Variants in CHN2 observed in about 807,000 individuals in gnomAD.
CHN2 encodes the protein beta-chimaerin.
In CHN2, 35 loss-of-function variants were observed where a neutral mutation model predicts 56.3. The observed-to-expected ratio is 0.62, with a 90% CI of 0.47 to 0.82. CHN2 has a LOEUF of 0.82. Among genes scored for constraint, CHN2 ranks in the 40% least tolerant of loss-of-function variants. CHN2 has a pLI of 0.00. For missense variants in CHN2, 491 were observed against 580.5 expected (o/e 0.85, Z 1.58); for synonymous variants, 210 against 212.8 (o/e 0.99, Z 0.12).
At chr7:29,426,847 T>C (rs1199878248) in intron 6 of CHN2, among the ~76,000 whole-genome samples, 1 of 152,172 alleles carries the variant, frequency 6.6e-6, no homozygotes, top group Non-Finnish European at 1.5e-5. Context: ...GCTCCTTACT[T>C]CCTTGCTGGC....
At chr7:29,482,329 T>G (rs565564695) in intron 7 of CHN2, among the ~76,000 whole-genome samples, 9 of 152,332 alleles carry the variant, frequency 5.9e-5, no homozygotes, top group South Asian at 2.1e-4. Context: ...ATGGTACTGT[T>G]GGTGCCACTG....
rs1413420418 is a variant in CHN2 at position 29,361,224 on chromosome 7, G to A, written c.88+6561G>A. On this transcript the variant is annotated intron_variant, in intron 2 of 12. Coordinates refer to ENST00000222792, the MANE Select transcript of CHN2 (RefSeq NM_004067.4). ...AAGAAGCAACGTTTTCAGATTATGCGATAAATTTCTGTTATATTCAACTCT... is the reference window on the plus strand; with the variant it reads ...AAGAAGCAACGTTTTCAGATTATGCAATAAATTTCTGTTATATTCAACTCT... 3.9e-5 allele frequency among the ~76,000 whole-genome samples: 6 copies of A among 152,186 alleles called. 1 individual carries two copies. In the South Asian group the frequency reaches 6.2e-4, roughly 16 times the overall value.
At chr7:29,345,997 G>A (rs1797406378) in intron 1 of CHN2, among the ~76,000 whole-genome samples, 1 of 152,158 alleles carries the variant, frequency 6.6e-6, no homozygotes, top group South Asian at 2.1e-4. Flanking sequence ...TAGTCAGACT[G>A]ACAGCAGGCC....
intron 1 of CHN2, among the ~76,000 whole-genome samples, chr7:29,272,784 C>G (rs1048335339): frequency 1.3e-5 from 2 of 152,054 alleles, no homozygotes; most frequent in Non-Finnish European, 2.9e-5. Context: ...TGTGCCAACA[C>G]GCATTTTTAA....
In CHN2 at chr7:29,512,687, A is replaced by C. The variant is rs867778834; in HGVS notation, c.1359A>C (p.Gln453His). 1 of 1,614,228 alleles carries C rather than the reference A, an allele frequency of 6.2e-7. No individual in the cohort carries two copies. ...TLTTLHDMRY[Q>H]KLIVQILIEN... is the part of the protein sequence containing the mutation. The stretch of plus-strand genomic sequence containing the variant: ...CCACCCTGCATGATATGCGGTACCA[A>C]AAGCTGATTGTGCAGATTTTAATAG... The change falls in exon 13 of 13, where the codon CAA (glutamine) becomes CAC (histidine). Residue 453 changes from glutamine to histidine, a missense_variant. Physicochemically the swap from Gln to His is conservative, Grantham distance 24. Coordinates refer to ENST00000222792, the MANE Select transcript of CHN2 (RefSeq NM_004067.4).
Position 29,427,944 on chromosome 7 carries a change from C to T in CHN2, c.576+27116C>T, listed in dbSNP as rs116965301. Among the ~76,000 whole-genome samples, 1,456 of 152,204 alleles carry T rather than the reference C, an allele frequency of 9.6e-3. 9 individuals are homozygous for T. The highest frequency in any genetic ancestry group is 0.014 in the Middle Eastern group (4 of 294). On this transcript the variant is annotated intron_variant, in intron 6 of 12. Coordinates refer to ENST00000222792, the MANE Select transcript of CHN2 (RefSeq NM_004067.4). ...TGCTGGGATTATAGGTTTGAACCTC[C>T]GCATCCGGCCATTTTTTATTCATGT...
chr7:29,386,300 T>A (rs1479324099), intron 3 of CHN2, among the ~76,000 whole-genome samples: 3 of 152,186 alleles, frequency 2.0e-5, no homozygotes, highest in African/African-American at 7.2e-5. Flanking sequence ...TTTTTGTGGA[T>A]GAAATTGCCC....
chr7:29,195,629 A>AGAGAGTGTGT lies in CHN2; in HGVS notation c.49+640_49+641insAGAGTGTGTG, dbSNP rs869037854. Among the ~76,000 whole-genome samples, 494 of 117,428 alleles carry AGAGAGTGTGT rather than the reference A, an allele frequency of 4.2e-3. 5 individuals are homozygous for AGAGAGTGTGT. Among genetic ancestry groups the AGAGAGTGTGT allele is most frequent in the Admixed American group, 0.029 (303 of 10,574 alleles). The allele number at this position is 117,428 out of a possible 152,430, so 77.0% of individuals were successfully genotyped here. ...GAGAGAGAGAGAGAGAGAGAGAGAG[A>AGAGAGTGTGT]GTGTGTGTGTGTGTGTGTGTGAGAG... On this transcript the variant is annotated intron_variant, in intron 1 of 12. Coordinates refer to ENST00000222792, the MANE Select transcript of CHN2 (RefSeq NM_004067.4).
intron 8 of CHN2, among the ~76,000 whole-genome samples, chr7:29,498,606 A>T (rs775742686): frequency 1.3e-5 from 2 of 152,160 alleles, no homozygotes; most frequent in Admixed American, 1.3e-4. Flanking sequence ...GATGACTACA[A>T]TATTCCTTAT....
intron 2 of CHN2, among the ~76,000 whole-genome samples, chr7:29,156,519 T>C (rs1794396200): frequency 6.6e-6 from 1 of 152,208 alleles, no homozygotes; most frequent in Non-Finnish European, 1.5e-5. Flanking sequence ...CCATATGTCA[T>C]CTCCTTTTAT....
chr7:29,460,128 T>C (rs1404775567), intron 6 of CHN2, among the ~76,000 whole-genome samples: 1 of 152,240 alleles, frequency 6.6e-6, no homozygotes, highest in African/African-American at 2.4e-5. Flanking sequence ...CTGATTTAAT[T>C]GATCTGGGGT....
upstream of CHN2, among the ~76,000 whole-genome samples, chr7:29,189,858 T>C (rs1782668159): frequency 6.6e-6 from 1 of 152,178 alleles, no homozygotes; most frequent in African/African-American, 2.4e-5. Flanking sequence ...AGAAAGACGA[T>C]GCAGGAATAC....
chr7:29,283,678 G>A (rs112009091), intron 1 of CHN2, among the ~76,000 whole-genome samples: 6,853 of 152,020 alleles, frequency 0.045, 484 homozygotes, highest in African/African-American at 0.15. Context: ...GACTGCAGTG[G>A]CACAATCTTG....
chr7:29,406,177 TG>T (rs1369383527), intron 6 of CHN2, among the ~76,000 whole-genome samples: 1 of 152,178 alleles, frequency 6.6e-6, no homozygotes, highest in Admixed American at 6.5e-5. Flanking sequence ...TGTTTAAGCC[TG>T]GGCCCCTTGG....
chr7:29,173,337 G>A (rs990337090), intron 2 of CHN2, among the ~76,000 whole-genome samples: 4 of 152,030 alleles, frequency 2.6e-5, no homozygotes, highest in Non-Finnish European at 5.9e-5. Flanking sequence ...ACTTTCTGCA[G>A]CCATATAATT....
intron 5 of CHN2, among the ~76,000 whole-genome samples, chr7:29,399,233 G>C (rs1280627852): frequency 6.6e-6 from 1 of 152,156 alleles, no homozygotes; most frequent in South Asian, 2.1e-4. Flanking sequence ...CTAGCTGGCC[G>C]AGGCTGCAGC....
rs181394587 is a variant in CHN2 at position 29,298,542 on chromosome 7, G to C, written c.50-56083G>C. Reference sequence around the variant, plus strand: ...CAGTAATGCTTGCTGAGATTTGGGTGCACGGTGCTTGGCTTTGGTTAGCTC... The same window carrying C: ...CAGTAATGCTTGCTGAGATTTGGGTCCACGGTGCTTGGCTTTGGTTAGCTC... On this transcript the variant is annotated intron_variant, in intron 1 of 12. Transcript: ENST00000222792. Among the ~76,000 whole-genome samples, 116 of 152,306 alleles carry C rather than the reference G, an allele frequency of 7.6e-4. 1 individual carries two copies. In the South Asian group the frequency reaches 8.5e-3, roughly 11 times the overall value.
intron 1 of CHN2, among the ~76,000 whole-genome samples, chr7:29,204,460 A>G (rs1451192394): frequency 6.6e-6 from 1 of 152,162 alleles, no homozygotes; most frequent in Non-Finnish European, 1.5e-5. Flanking sequence ...AAAAATAACC[A>G]TTTTGTTTTA....
intron 1 of CHN2, among the ~76,000 whole-genome samples, chr7:29,293,565 C>T (rs112123708): frequency 7.9e-5 from 12 of 152,154 alleles, no homozygotes; most frequent in Middle Eastern, 3.4e-3. Context: ...CCTTCCCTCA[C>T]TCAGCTCCAG....
Sources: gnomAD v4.1 joint callset for allele counts (sites outside exome capture counted in the v4.1 genomes callset) on GRCh38, gnomAD v4.1.1 for gene constraint, MANE v1.5 for transcripts, NCBI Gene and HGNC (gene_info 2026-07-23, HGNC 2026-07-21) for gene names.